RMND5B: variants seen among roughly 807,000 people sequenced by gnomAD.
RMND5B encodes required for meiotic nuclear division 5 homolog B.
Under a neutral mutation model 50.4 loss-of-function variants are expected in RMND5B, and 42 were observed. The observed-to-expected ratio is 0.83, with a 90% CI of 0.65 to 1.08. RMND5B has a LOEUF of 1.08. Among genes scored for constraint, RMND5B ranks in the 50% least tolerant of loss-of-function variants. The pLI, the probability that RMND5B is intolerant of heterozygous loss-of-function variation, is 0.00. For missense variants in RMND5B, 463 were observed against 508.5 expected (o/e 0.91, Z 0.86); for synonymous variants, 220 against 210.0 (o/e 1.05, Z -0.41).
At chr5:178,142,793 C>T (rs570707782) in intron 4 of RMND5B, 59 bp from the exon 5 acceptor site, 43 of 1,614,182 alleles carry the variant, frequency 2.7e-5, no homozygotes, top group East Asian at 4.5e-5. Flanking sequence ...TACAAGGACT[C>T]GAAGGAGAGC....
chr5:178,134,853 T>A (rs989366633), intron 2 of RMND5B, among the ~76,000 whole-genome samples: 1 of 151,016 alleles, frequency 6.6e-6, no homozygotes, highest in African/African-American at 2.4e-5. Context: ...GTGGTGCACC[T>A]GTAATCCCAG....
At chr5:178,145,933 TC>T (rs1178393501) in intron 7 of RMND5B, 180 bp from the exon 8 acceptor site, 3 of 580,708 alleles carry the variant, frequency 5.2e-6, no homozygotes, top group South Asian at 2.4e-5. Context: ...GACCTCCACC[TC>T]CCCAGTGGAT....
chr5:178,137,168 C>T lies in RMND5B; in HGVS notation c.-12-940C>T, dbSNP rs919771227. Among the ~76,000 whole-genome samples, 3 of 152,016 alleles carry T rather than the reference C, an allele frequency of 2.0e-5. No homozygotes were observed. The highest frequency in any genetic ancestry group is 7.3e-5 in the African/African-American group (3 of 41,368). On this transcript the variant is annotated intron_variant, in intron 2 of 10. Coordinates refer to ENST00000313386, the MANE Select transcript of RMND5B (RefSeq NM_022762.5). The surrounding 1 kb of genome is among the most constrained non-coding windows in gnomAD (Gnocchi z 4.4). ...TGAGGAAGCAGCATGTACCAGGGCA[C>T]GCAGCTATGAGACAGCAAGGGTTCT...
chr5:178,150,242 A>G lies in RMND5B; in HGVS notation c.*2210A>G, dbSNP rs1303686900. 4.6e-6 allele frequency: 1 copy of G among 216,860 alleles called. No individual in the cohort carries two copies. The highest frequency in any genetic ancestry group is 1.2e-4 in the East Asian group (1 of 8,236). 13.4% of individuals were successfully genotyped at this position (216,860 alleles called of 1,614,324 possible). A position where few individuals can be genotyped will look rare whatever the true frequency, so the allele number is the denominator to read the frequency against. On this transcript the variant is annotated 3_prime_UTR_variant, in exon 11 of 11. Coordinates refer to ENST00000313386, the MANE Select transcript of RMND5B (RefSeq NM_022762.5). The stretch of plus-strand genomic sequence containing the variant: ...TTACAAAGCTCTTTCACATACATCT[A>G]TCTCTTTATTCTCATAGTCCACAGA...
At chr5:178,145,502 AAAAAACACAC>A (rs1439585301) in intron 7 of RMND5B, among the ~76,000 whole-genome samples, 34 of 151,786 alleles carry the variant, frequency 2.2e-4, no homozygotes, top group African/African-American at 8.2e-4. Flanking sequence ...CAAAAAAAAA[AAAAAACACAC>A]AAAAAACACA....
chr5:178,148,160 G>T lies in RMND5B; in HGVS notation c.*128G>T. 2.3e-6 allele frequency: 2 copies of T among 880,108 alleles called. No individual in the cohort carries two copies. The highest frequency in any genetic ancestry group is 2.5e-5 in the East Asian group (1 of 39,290). The allele number at this position is 880,108 out of a possible 1,614,324, so 54.5% of individuals were successfully genotyped here. Reference sequence around the variant, plus strand: ...CGCCTGGCTGAGGAGTTCCACTGAGGGGAGCACTGGAGCAGCCCTTTGGCA... The same window carrying T: ...CGCCTGGCTGAGGAGTTCCACTGAGTGGAGCACTGGAGCAGCCCTTTGGCA... On this transcript the variant is annotated 3_prime_UTR_variant, in exon 11 of 11. Transcript: ENST00000313386.
chr5:178,146,318 G>A (rs755449112), intron 8 of RMND5B, 39 bp downstream of exon 8: 1 of 1,587,962 alleles, frequency 6.3e-7, no homozygotes, highest in Non-Finnish European at 8.6e-7. Context: ...AGGTGGGAGG[G>A]TAGAGAGGTA....
Position 178,143,677 on chromosome 5 carries a change from G to A in RMND5B, c.477G>A (p.Leu159=). 6.2e-7 allele frequency: 1 copy of A among 1,614,194 alleles called. No homozygotes were observed. The highest frequency in any genetic ancestry group is 8.5e-7 in the Non-Finnish European group (1 of 1,180,024). The change falls in exon 6 of 11, where the codon TTG becomes TTA. Residue 159 remains leucine (L), a synonymous_variant. Coordinates refer to ENST00000313386, the MANE Select transcript of RMND5B (RefSeq NM_022762.5). ...ATTTCAAGCAGCCTTTCCTAGAGTT[G>A]AATCGAATCCTGGAAGCCCTGCACG... The part of the protein sequence containing the change: ...DLDFKQPFLE[L]NRILEALHEQ...
intron 2 of RMND5B, among the ~76,000 whole-genome samples, chr5:178,131,887 G>A (rs1424607205): frequency 1.3e-5 from 2 of 151,850 alleles, no homozygotes; most frequent in African/African-American, 2.4e-5. Context: ...GGATAATTGG[G>A]GTTTGGTCAC....
At chr5:178,135,680 T>G (rs367763926) in intron 2 of RMND5B, among the ~76,000 whole-genome samples, 1 of 152,174 alleles carries the variant, frequency 6.6e-6, no homozygotes. Context: ...GCTTTGTAAA[T>G]AGAATTTTAT....
intron 8 of RMND5B, 194 bp downstream of exon 8, chr5:178,146,473 G>T: frequency 1.7e-6 from 1 of 581,346 alleles, no homozygotes; most frequent in Non-Finnish European, 3.0e-6. Context: ...TATGGCCCGA[G>T]GTCACCATGA....
intron 7 of RMND5B, 114 bp from the exon 8 acceptor site, chr5:178,146,000 C>A: frequency 9.0e-7 from 1 of 1,110,068 alleles, no homozygotes. Context: ...TCCTCAGGGG[C>A]TTGGGAGCCA....
At position 178,149,835 on chromosome 5, in the gene RMND5B, G is replaced by C; in HGVS notation, c.*1803G>C. 1 of 1,613,582 alleles carries C rather than the reference G, an allele frequency of 6.2e-7. No homozygotes were observed. On this transcript the variant is annotated 3_prime_UTR_variant, in exon 11 of 11. Coordinates refer to ENST00000313386, the MANE Select transcript of RMND5B (RefSeq NM_022762.5). ...CGCTTGGAGCCTGCGGCTGCACCCAGGTCCTACAGAGGGGAAAGAAGTGCT... is the reference window on the plus strand; with the variant it reads ...CGCTTGGAGCCTGCGGCTGCACCCACGTCCTACAGAGGGGAAAGAAGTGCT...
chr5:178,145,069 A>G (rs1371177780), intron 7 of RMND5B, among the ~76,000 whole-genome samples: 1 of 152,176 alleles, frequency 6.6e-6, no homozygotes, highest in African/African-American at 2.4e-5. Context: ...TTTTTGAGAC[A>G]AAGTCTCACT....
In RMND5B at chr5:178,148,480, G is replaced by A. The variant is rs1206402544; in HGVS notation, c.*448G>A. 1.3e-5 allele frequency: 3 copies of A among 222,810 alleles called. No homozygotes were observed. Among genetic ancestry groups the A allele is most frequent in the Non-Finnish European group, 2.7e-5 (3 of 110,886 alleles). 13.8% of individuals were successfully genotyped at this position (222,810 alleles called of 1,614,324 possible). Reference sequence around the variant, plus strand: ...CCTCCCACTACAGCCTCAACAGTATGTACCATCTCCCACTGTAAATAGTCC... The same window carrying A: ...CCTCCCACTACAGCCTCAACAGTATATACCATCTCCCACTGTAAATAGTCC... On this transcript the variant is annotated 3_prime_UTR_variant, in exon 11 of 11. Transcript: ENST00000313386.
chr5:178,143,829 T>G (rs537830758), intron 6 of RMND5B, 102 bp downstream of exon 6: 1 of 1,467,138 alleles, frequency 6.8e-7, no homozygotes, highest in East Asian at 2.3e-5. Flanking sequence ...TTGACTTGCC[T>G]GCAGCCCTGT....
rs747921841 is a variant in RMND5B, at chr5:178,149,778, C to T, written c.*1746C>T. 1.2e-6 allele frequency: 2 copies of T among 1,614,012 alleles called. No homozygotes were observed. The highest frequency in any genetic ancestry group is 1.7e-6 in the Non-Finnish European group (2 of 1,179,906). ...TCATCGTAAGCCTCCTGGTACTCCT[C>T]ATGGGGCTTGACCATTATCACACAG... On this transcript the variant is annotated 3_prime_UTR_variant, in exon 11 of 11. Transcript: ENST00000313386.
Position 178,150,422 on chromosome 5 carries a change from A to C in RMND5B, c.*2390A>C. 1 of 330,430 alleles carries C rather than the reference A, an allele frequency of 3.0e-6. No individual in the cohort carries two copies. Among genetic ancestry groups the C allele is most frequent in the Non-Finnish European group, 6.0e-6 (1 of 167,850 alleles). 20.5% of individuals were successfully genotyped at this position (330,430 alleles called of 1,614,324 possible). On this transcript the variant is annotated 3_prime_UTR_variant, in exon 11 of 11. Transcript: ENST00000313386. ...GAGACAGGGCCTCACTCTGTCATGCAGTCTGGAGTGTGGTGGTGTATGATC... is the reference window on the plus strand; with the variant it reads ...GAGACAGGGCCTCACTCTGTCATGCCGTCTGGAGTGTGGTGGTGTATGATC...
Position 178,143,950 on chromosome 5 carries a change from T to A in RMND5B, c.536T>A (p.Val179Asp), listed in dbSNP as rs779953628. ...GGCCCCTTTCTTCCCAGATGGGCCG[T>A]CTCCCACAGGCAGCGCCTGCTGGAA... ...QDLGPALEWA[V>D]SHRQRLLELN... Residue 179 changes from valine to aspartate, a missense_variant, in exon 7 of 11, where the codon GTC becomes GAC. Physicochemically the swap from Val to Asp is radical, Grantham distance 152. Coordinates refer to ENST00000313386, the MANE Select transcript of RMND5B (RefSeq NM_022762.5). 6.2e-7 allele frequency: 1 copy of A among 1,614,186 alleles called. No individual in the cohort carries two copies. The highest frequency in any genetic ancestry group is 1.7e-5 in the Admixed American group (1 of 60,028).
Sources: allele counts gnomAD v4.1 joint callset (sites outside exome capture counted in the v4.1 genomes callset), GRCh38; gene constraint gnomAD v4.1.1; non-coding constraint Gnocchi (gnomAD v3.1); transcripts MANE v1.5; gene names NCBI Gene and HGNC (gene_info 2026-07-23, HGNC 2026-07-21).